The following CCDC33 variants were observed in gnomAD, a reference collection of about 807,000 sequenced individuals.
The protein encoded by CCDC33 is coiled-coil domain containing 33.
Under a neutral mutation model 91.9 loss-of-function variants are expected in CCDC33, and 94 were observed. The ratio of observed to expected loss-of-function variants is 1.02; its 90% CI spans 0.87 to 1.21. The LOEUF is 1.21. Among genes scored for constraint, CCDC33 ranks in the 50% most tolerant of loss-of-function variants. CCDC33 has a pLI of 0.00. For synonymous variants in CCDC33, 396 were observed against 374.5 expected, an observed-to-expected ratio of 1.06 and a Z score of -0.66; for missense variants, 940 against 935.5, an observed-to-expected ratio of 1.00 and a Z score of -0.06.
At chr15:74,315,988 G>A (rs1336650220) in intron 11 of CCDC33, among the ~76,000 whole-genome samples, 2 of 152,186 alleles carry the variant, frequency 1.3e-5, no homozygotes, top group Non-Finnish European at 2.9e-5. Context: ...CACCTGCCCT[G>A]TTTCCTGGGA....
At chr15:74,292,321 G>A (rs191771780) in intron 10 of CCDC33, among the ~76,000 whole-genome samples, 49 of 152,286 alleles carry the variant, frequency 3.2e-4, no homozygotes, top group Admixed American at 2.9e-3. Context: ...CTATGGTCTC[G>A]AGCAGCCTGG....
chr15:74,318,650 A>G (rs1449178393), intron 11 of CCDC33: 8 of 769,810 alleles, frequency 1.0e-5, no homozygotes, highest in East Asian at 5.0e-5. Flanking sequence ...CCTCATTGAC[A>G]GCTTCTCTGT....
intron 2 of CCDC33, among the ~76,000 whole-genome samples, chr15:74,224,432 G>C (rs544794406): frequency 6.6e-6 from 1 of 152,324 alleles, no homozygotes; most frequent in African/African-American, 2.4e-5. Flanking sequence ...CCTTGCCCAA[G>C]CCTGTCCCTC....
chr15:74,258,903 C>T (rs1389771527), intron 2 of CCDC33, among the ~76,000 whole-genome samples: 2 of 152,182 alleles, frequency 1.3e-5, no homozygotes, highest in Admixed American at 6.5e-5. Context: ...CCCCCTTACA[C>T]CCTGCTGGGG....
intron 1 of CCDC33, among the ~76,000 whole-genome samples, chr15:74,208,359 C>T (rs563605635): frequency 1.3e-5 from 2 of 152,150 alleles, no homozygotes; most frequent in African/African-American, 4.8e-5. Flanking sequence ...CCCACGTTCT[C>T]CGTTCCCAGC....
intron 4 of CCDC33, 96 bp from the exon 5 acceptor site, chr15:74,268,246 C>A: frequency 1.2e-6 from 1 of 866,964 alleles, no homozygotes; most frequent in Non-Finnish European, 2.0e-6. Flanking sequence ...CGGAGCAATG[C>A]CAAGTGATTG....
intron 11 of CCDC33, among the ~76,000 whole-genome samples, chr15:74,296,377 C>G (rs2059686850): frequency 6.6e-6 from 1 of 152,152 alleles, no homozygotes; most frequent in African/African-American, 2.4e-5. Context: ...GTAATCTCAG[C>G]ACTTTGGGAG....
intron 1 of CCDC33, among the ~76,000 whole-genome samples, chr15:74,243,222 C>T (rs984713189): frequency 6.6e-6 from 1 of 152,226 alleles, no homozygotes; most frequent in African/African-American, 2.4e-5. Flanking sequence ...TTCACCTCCA[C>T]GTAATGCACT....
In CCDC33 at chr15:74,221,375, C is replaced by T. The variant is rs1056362057; in HGVS notation, c.675+2514C>T. 5 of 923,176 alleles carry T rather than the reference C, an allele frequency of 5.4e-6. No homozygotes were observed. In the African/African-American group the frequency reaches 8.9e-5, roughly 16 times the overall value. The allele number at this position is 923,176 out of a possible 1,614,324, so 57.2% of individuals were successfully genotyped here. A position where few individuals can be genotyped will look rare whatever the true frequency, so the allele number is the denominator to read the frequency against. On this transcript the variant is annotated intron_variant, in intron 2 of 2. Coordinates refer to the CCDC33 transcript ENST00000635913. ...ACAAGGCTCAGTGTGAGACCAGGGT[C>T]AGAGCTCAGCAAACTTCCACGACTG...
At chr15:74,298,255 T>TTGA (rs917940899) in intron 11 of CCDC33, among the ~76,000 whole-genome samples, 8 of 151,938 alleles carry the variant, frequency 5.3e-5, no homozygotes, top group African/African-American at 1.5e-4. Context: ...CTTATAAAAC[T>TTGA]TGATGATGAT....
At chr15:74,208,951 A>T (rs2074323761) in intron 1 of CCDC33, 2 of 1,000,404 alleles carry the variant, frequency 2.0e-6, no homozygotes, top group African/African-American at 3.5e-5. Flanking sequence ...CTGGGATCCT[A>T]GAGGGGTGGC....
intron 2 of CCDC33, among the ~76,000 whole-genome samples, chr15:74,256,066 C>T (rs962524848): frequency 6.6e-6 from 1 of 152,226 alleles, no homozygotes; most frequent in Non-Finnish European, 1.5e-5. Flanking sequence ...CAAGACAGGT[C>T]CCTGCCCTTG....
rs371578500 is a variant in CCDC33 at position 74,335,986 on chromosome 15, G to C, written c.2201G>C (p.Ser734Thr). Residue 734 changes from serine (S) to threonine (T), a missense_variant, in exon 19 of 19, where the codon AGC (serine) becomes ACC (threonine). By Grantham distance (58) the Ser-to-Thr change is moderately conservative. Coordinates refer to ENST00000398814, the MANE Select transcript of CCDC33 (RefSeq NM_025055.5). ...QPSELEPLLP[S>T]SDSKLNKPLS... is the part of the protein sequence containing the mutation. ...TCAGAGCTGGAGCCCCTGCTGCCCA[G>C]CTCAGACTCTAAGCTCAACAAGCCC... 1.9e-6 allele frequency: 3 copies of C among 1,613,958 alleles called. No homozygotes were observed. The highest frequency in any genetic ancestry group is 1.7e-5 in the Admixed American group (1 of 60,022).
chr15:74,229,957 G>T (rs2074915895), intron 2 of CCDC33, among the ~76,000 whole-genome samples: 2 of 152,368 alleles, frequency 1.3e-5, no homozygotes, highest in South Asian at 2.1e-4. Context: ...GTGGGGGAAG[G>T]TTGCAGCGAA....
At chr15:74,214,504 G>C (rs907062157), upstream of CCDC33, among the ~76,000 whole-genome samples, 5 of 152,210 alleles carry the variant, frequency 3.3e-5, no homozygotes, top group Non-Finnish European at 7.3e-5. Flanking sequence ...GGAGTAGAGA[G>C]AACCCTGAGA....
At chr15:74,269,632 GAC>G (rs1388008019) in intron 5 of CCDC33, among the ~76,000 whole-genome samples, 1 of 152,210 alleles carries the variant, frequency 6.6e-6, no homozygotes, top group Non-Finnish European at 1.5e-5. Flanking sequence ...ACATCCCCAA[GAC>G]ACAGGCAGAA....
intron 11 of CCDC33, among the ~76,000 whole-genome samples, chr15:74,305,453 G>C (rs2059875773): frequency 6.6e-6 from 1 of 152,184 alleles, no homozygotes; most frequent in African/African-American, 2.4e-5. Flanking sequence ...AAGCCCCCCA[G>C]CCTAACTGGG....
intron 10 of CCDC33, among the ~76,000 whole-genome samples, chr15:74,287,341 C>T (rs753433034): frequency 5.3e-5 from 8 of 152,160 alleles, no homozygotes; most frequent in Non-Finnish European, 1.2e-4. Context: ...TCACACCATC[C>T]CTCACTGCCC....
At chr15:74,217,727 C>A in intron 1 of CCDC33, 1 of 596,764 alleles carries the variant, frequency 1.7e-6, no homozygotes, top group Non-Finnish European at 2.4e-6. Context: ...CCGGTGTGAC[C>A]TTGGGCAAAT....
Sources: gnomAD v4.1 joint callset for allele counts (sites outside exome capture counted in the v4.1 genomes callset) on GRCh38, gnomAD v4.1.1 for gene constraint, MANE v1.5 for transcripts, NCBI Gene and HGNC (gene_info 2026-07-23, HGNC 2026-07-21) for gene names.